TLE1: variants seen among roughly 807,000 people sequenced by gnomAD.
The protein encoded by TLE1 is TLE family member 1, transcriptional corepressor.
In TLE1, 21 loss-of-function variants were observed where a neutral mutation model predicts 89.8. The observed-to-expected ratio is 0.23, with a 90% confidence interval of 0.17 to 0.34. TLE1 has a LOEUF of 0.34. TLE1 is among the 10% of genes least tolerant of loss of function. The pLI is 1.00. For missense variants in TLE1, 795 were observed against 1,031.2 expected, an observed-to-expected ratio of 0.77 and a Z score of 3.14; for synonymous variants, 447 against 407.6, an observed-to-expected ratio of 1.10 and a Z score of -1.16.
At chr9:81,685,044 C>A (rs1476254590) in intron 4 of TLE1, among the ~76,000 whole-genome samples, 1 of 152,178 alleles carries the variant, frequency 6.6e-6, no homozygotes, top group East Asian at 1.9e-4. Context: ...AGTCACTAAT[C>A]TTTTCATGCT....
intron 6 of TLE1, among the ~76,000 whole-genome samples, chr9:81,640,978 ACAGACTTAACC>A (rs1275734626): frequency 6.6e-6 from 1 of 152,232 alleles, no homozygotes; most frequent in Non-Finnish European, 1.5e-5. Flanking sequence ...CATAAAAATC[ACAGACTTAACC>A]CAACCCAAAC....
chr9:81,678,421 T>C (rs1833173924), intron 4 of TLE1, among the ~76,000 whole-genome samples: 1 of 152,200 alleles, frequency 6.6e-6, no homozygotes, highest in Non-Finnish European at 1.5e-5. Context: ...GGTCTCGCTA[T>C]GTTGGCCAGG....
chr9:81,680,359 A>G (rs1833458379), intron 4 of TLE1, among the ~76,000 whole-genome samples: 1 of 152,192 alleles, frequency 6.6e-6, no homozygotes, highest in Non-Finnish European at 1.5e-5. Context: ...GTGGCCCTGC[A>G]ATGGCCTGAC....
intron 14 of TLE1, among the ~76,000 whole-genome samples, chr9:81,596,832 A>C (rs1830287211): frequency 6.6e-6 from 1 of 152,202 alleles, no homozygotes; most frequent in Non-Finnish European, 1.5e-5. Context: ...CCTTGATCCA[A>C]GGGCTGGTTA....
chr9:81,607,947 GA>G (rs1831906900), intron 14 of TLE1, among the ~76,000 whole-genome samples: 1 of 152,186 alleles, frequency 6.6e-6, no homozygotes, highest in Admixed American at 6.5e-5. Flanking sequence ...AAATTATTGT[GA>G]AACAGATATT....
chr9:81,644,686 G>C (rs544411636), intron 6 of TLE1, among the ~76,000 whole-genome samples: 1 of 152,142 alleles, frequency 6.6e-6, no homozygotes, highest in Non-Finnish European at 1.5e-5. Flanking sequence ...AACCACAGAA[G>C]TGTATGCTTT....
At chr9:81,660,868 G>A (rs934363225) in intron 4 of TLE1, among the ~76,000 whole-genome samples, 6 of 149,638 alleles carry the variant, frequency 4.0e-5, no homozygotes, top group Admixed American at 6.7e-5. Context: ...AGGCCGAGGC[G>A]GGAGGATCAC....
At chr9:81,674,533 C>G (rs1042295903) in intron 4 of TLE1, among the ~76,000 whole-genome samples, 1 of 152,198 alleles carries the variant, frequency 6.6e-6, no homozygotes, top group South Asian at 2.1e-4. Context: ...ATTCCATACA[C>G]ACAAAGTTCA....
At chr9:81,615,544 CA>C (rs530072232) in intron 11 of TLE1, among the ~76,000 whole-genome samples, 33,442 of 101,124 alleles carry the variant, frequency 0.33, 4,425 homozygotes, top group Non-Finnish European at 0.38. Flanking sequence ...ACTAAAAATA[CA>C]AAAAAAAAAA....
chr9:81,657,901 A>C (rs958696418), intron 4 of TLE1, among the ~76,000 whole-genome samples: 6 of 150,406 alleles, frequency 4.0e-5, no homozygotes, highest in Non-Finnish European at 7.4e-5. Flanking sequence ...CACTACAGAC[A>C]TAATTTTTTT....
At chr9:81,633,231 A>G in intron 8 of TLE1, 117 bp downstream of exon 8, 1 of 1,522,022 alleles carries the variant, frequency 6.6e-7, no homozygotes, top group Non-Finnish European at 8.9e-7. Context: ...TGAGAGAGAC[A>G]GGGAGAGTGT....
chr9:81,621,059 G>C (rs937730104), intron 8 of TLE1: 8 of 247,498 alleles, frequency 3.2e-5, no homozygotes, highest in Non-Finnish European at 6.6e-5. Context: ...CAACAATGAA[G>C]GAACTCTTTT....
At chr9:81,620,896 G>A in intron 8 of TLE1, 1 of 585,070 alleles carries the variant, frequency 1.7e-6, no homozygotes, top group South Asian at 1.4e-5. Context: ...TTCCTGGTCA[G>A]GAATACGAAT....
At chr9:81,629,961 A>C (rs1826366091) in intron 8 of TLE1, among the ~76,000 whole-genome samples, 1 of 152,112 alleles carries the variant, frequency 6.6e-6, no homozygotes, top group Admixed American at 6.5e-5. Context: ...CCTACCATAA[A>C]ATCTTTAACT....
At position 81,613,407 on chromosome 9, in the gene TLE1, G is replaced by A; in HGVS notation, c.1033C>T (p.Pro345Ser). The change falls in exon 12 of 20, where the codon CCA becomes TCA. Residue 345 changes from proline to serine, a missense_variant. By Grantham distance (74) the Pro-to-Ser change is moderately conservative. Coordinates refer to ENST00000376499, the MANE Select transcript of TLE1 (RefSeq NM_005077.5). ...TGGTTAACGAGGGGGTCTATGGCTG[G>A]AGGCTTGCCGAGACCTGGACGGAGG... ...PGLRPGLGKPPAIDPLVNQAA... is the reference protein window; with the variant it reads ...PGLRPGLGKPSAIDPLVNQAA... 6.2e-7 allele frequency: 1 copy of A among 1,614,108 alleles called. No individual in the cohort carries two copies. The highest frequency in any genetic ancestry group is 8.5e-7 in the Non-Finnish European group (1 of 1,179,964).
chr9:81,584,932 A>C (rs1169943311), intron 18 of TLE1, among the ~76,000 whole-genome samples: 1 of 151,852 alleles, frequency 6.6e-6, no homozygotes, highest in Non-Finnish European at 1.5e-5. Flanking sequence ...TAGCATGAAG[A>C]AAAATGCTCA....
chr9:81,599,635 A>G (rs999193766), intron 14 of TLE1, among the ~76,000 whole-genome samples: 1 of 152,212 alleles, frequency 6.6e-6, no homozygotes, highest in South Asian at 2.1e-4. Context: ...TTTACCTGCT[A>G]TGGGTAAAAC....
chr9:81,639,666 T>G (rs530414088), intron 6 of TLE1, among the ~76,000 whole-genome samples: 143 of 137,350 alleles, frequency 1.0e-3, no homozygotes, highest in African/African-American at 3.8e-3. Flanking sequence ...CACTGCAACC[T>G]CCACCTCCCG....
intron 4 of TLE1, among the ~76,000 whole-genome samples, chr9:81,667,310 C>T (rs1001434593): frequency 2.0e-5 from 3 of 148,538 alleles, no homozygotes; most frequent in Non-Finnish European, 4.4e-5. Flanking sequence ...GTACAAGAAT[C>T]GCTTAAACCC....
Sources: gnomAD v4.1 joint callset for allele counts (sites outside exome capture counted in the v4.1 genomes callset) on GRCh38, gnomAD v4.1.1 for gene constraint, MANE v1.5 for transcripts, NCBI Gene and HGNC (gene_info 2026-07-23, HGNC 2026-07-21) for gene names.